The following LMNB1 variants were observed in gnomAD, a reference collection of about 807,000 sequenced individuals.
LMNB1 encodes lamin-B1.
A neutral mutation model predicts 67.1 loss-of-function variants in LMNB1; 23 were observed. That is an observed-to-expected ratio of 0.34 (90% CI 0.25 to 0.49). LMNB1 has a LOEUF of 0.49. Among genes scored for constraint, LMNB1 ranks in the 20% least tolerant of loss-of-function variants. The pLI is 0.99. For synonymous variants in LMNB1, 281 were observed against 282.9 expected, an observed-to-expected ratio of 0.99 and a Z score of 0.07; for missense variants, 634 against 746.5, an observed-to-expected ratio of 0.85 and a Z score of 1.76.
chr5:126,812,988 C>T (rs1451754968), intron 5 of LMNB1, among the ~76,000 whole-genome samples: 5 of 152,192 alleles, frequency 3.3e-5, no homozygotes, highest in Non-Finnish European at 5.9e-5. Flanking sequence ...CTCGGCTTCC[C>T]AGAGTGCTGG....
At chr5:126,828,724 G>A (rs1203288096) in intron 9 of LMNB1, among the ~76,000 whole-genome samples, 2 of 151,928 alleles carry the variant, frequency 1.3e-5, no homozygotes, top group African/African-American at 4.8e-5. Context: ...CAACACACCT[G>A]GCTAATTTTT....
chr5:126,819,424 G>T (rs2126727426), intron 6 of LMNB1, among the ~76,000 whole-genome samples: 1 of 151,804 alleles, frequency 6.6e-6, no homozygotes, highest in African/African-American at 2.4e-5. Context: ...TTAATATATT[G>T]TAAAATGCCA....
intron 1 of LMNB1, among the ~76,000 whole-genome samples, chr5:126,791,971 C>T (rs961755077): frequency 1.5e-4 from 23 of 151,266 alleles, no homozygotes; most frequent in African/African-American, 4.6e-4. Context: ...TTAGTAGAGA[C>T]GGGGTTTCAC....
intron 1 of LMNB1, among the ~76,000 whole-genome samples, chr5:126,792,430 C>T (rs1716632541): frequency 6.6e-6 from 1 of 152,064 alleles, no homozygotes; most frequent in African/African-American, 2.4e-5. Context: ...AGCCACTGTG[C>T]CTGGTGTGTT....
intron 5 of LMNB1, among the ~76,000 whole-genome samples, chr5:126,817,766 AT>A (rs1160025688): frequency 6.6e-6 from 1 of 152,092 alleles, no homozygotes; most frequent in Non-Finnish European, 1.5e-5. Flanking sequence ...GCTCCTTTTT[AT>A]CTCTAGCCTT....
rs1466169317 is a variant in LMNB1, at chr5:126,784,234, G to A, written c.359+6367G>A. Among the ~76,000 whole-genome samples the A allele has an allele frequency of 2.0e-5, 3 of 151,626 alleles. No homozygotes were observed. In the East Asian group the frequency reaches 5.8e-4, roughly 29 times the overall value. On this transcript the variant is annotated intron_variant, in intron 1 of 10. Transcript: ENST00000261366. ...AATAGACTTGGGGTTTTTCCATGTT[G>A]GTCAGGCTGGTCTGGAATTCCCAAC...
chr5:126,836,249 C>T lies in LMNB1; in HGVS notation c.1746C>T (p.Ser582=). 1 of 1,610,242 alleles carries T rather than the reference C, an allele frequency of 6.2e-7. No individual in the cohort carries two copies. The highest frequency in any genetic ancestry group is 8.5e-7 in the Non-Finnish European group (1 of 1,176,626). ...GAACCCCAAGAGCATCCAATAGAAG[C>T]TGTGCAATTATGTAAAATTTTCAAC... The part of the protein sequence containing the change: ...QQGTPRASNR[S]CAIM The change falls in exon 11 of 11, where the codon AGC becomes AGT. Residue 582 remains serine, a synonymous_variant. Transcript: ENST00000261366.
chr5:126,806,547 G>C, intron 3 of LMNB1, among the ~76,000 whole-genome samples: 1 of 152,048 alleles, frequency 6.6e-6, no homozygotes, highest in East Asian at 1.9e-4. Context: ...CTCACCTCAT[G>C]GTCTTCTTCA....
At chr5:126,828,848 C>T (rs1248712947) in intron 9 of LMNB1, among the ~76,000 whole-genome samples, 1 of 152,084 alleles carries the variant, frequency 6.6e-6, no homozygotes, top group African/African-American at 2.4e-5. Context: ...GTGTGAGCCA[C>T]CATGCCCGGC....
chr5:126,780,638 G>A (rs143756503), intron 1 of LMNB1, among the ~76,000 whole-genome samples: 3 of 152,332 alleles, frequency 2.0e-5, no homozygotes, highest in African/African-American at 7.2e-5. Flanking sequence ...CTGAGGAGTT[G>A]ACAGTACCTA....
At chr5:126,832,258 ACT>A (rs1752152552) in intron 9 of LMNB1, among the ~76,000 whole-genome samples, 3 of 151,952 alleles carry the variant, frequency 2.0e-5, no homozygotes, top group African/African-American at 7.2e-5. Flanking sequence ...ACAGAGTGAG[ACT>A]CTGTCTCCAA....
chr5:126,784,799 A>G (rs1464616769), intron 1 of LMNB1, among the ~76,000 whole-genome samples: 2 of 150,048 alleles, frequency 1.3e-5, no homozygotes, highest in African/African-American at 2.5e-5. Flanking sequence ...AACTGGAACT[A>G]CAGGCGCCCT....
In LMNB1 at chr5:126,804,858, G is replaced by A. The variant is rs376416303; in HGVS notation, c.442G>A (p.Ala148Thr). The A allele has an allele frequency of 6.2e-7, 1 of 1,613,974 alleles. No individual in the cohort carries two copies. Among genetic ancestry groups the A allele is most frequent in the Non-Finnish European group, 8.5e-7 (1 of 1,179,986 alleles). The change falls in exon 2 of 11, where the codon GCT (alanine) becomes ACT (threonine). Residue 148 changes from alanine to threonine, a missense_variant. Ala to Thr is a moderately conservative substitution (Grantham distance 58). Coordinates refer to ENST00000261366, the MANE Select transcript of LMNB1 (RefSeq NM_005573.4). Reference protein sequence around the residue: ...YEAALNSKDAALATALGDKKS... With the variant: ...YEAALNSKDATLATALGDKKS... The stretch of plus-strand genomic sequence containing the variant: ...AGCAGCACTGAATTCGAAAGATGCA[G>A]CTCTTGCTACTGCACTTGGTGACAA...
At chr5:126,790,022 T>C (rs2973587) in intron 1 of LMNB1, among the ~76,000 whole-genome samples, 42,402 of 151,814 alleles carry the variant, frequency 0.28, 6,337 homozygotes, top group South Asian at 0.39. Context: ...TAGGCTGGTC[T>C]TGAACTCCCG....
At chr5:126,828,977 T>A (rs1201089751) in intron 9 of LMNB1, among the ~76,000 whole-genome samples, 1 of 152,142 alleles carries the variant, frequency 6.6e-6, no homozygotes, top group Non-Finnish European at 1.5e-5. Context: ...CTTATTTCAC[T>A]AGACAGTTAC....
At position 126,800,973 on chromosome 5, in the gene LMNB1, AT is replaced by A. The variant is rs1195112257; in HGVS notation, c.360-3802del. On this transcript the variant is annotated intron_variant, in intron 1 of 10. Coordinates refer to ENST00000261366, the MANE Select transcript of LMNB1 (RefSeq NM_005573.4). ...AGACTATATATATATATATATATAT[AT>A]ATATATAATTTTTTTTTTTTTTTTT... Among the ~76,000 whole-genome samples the A allele has an allele frequency of 1.3e-3, 76 of 60,786 alleles. 1 individual carries two copies. Among genetic ancestry groups the A allele is most frequent in the Admixed American group, 1.6e-3 (8 of 4,906 alleles). 39.9% of individuals were successfully genotyped at this position (60,786 alleles called of 152,430 possible). A position where few individuals can be genotyped will look rare whatever the true frequency, so the allele number is the denominator to read the frequency against.
At chr5:126,792,549 G>T (rs2112935784) in intron 1 of LMNB1, among the ~76,000 whole-genome samples, 1 of 150,954 alleles carries the variant, frequency 6.6e-6, no homozygotes. Context: ...TCAGTGCAGG[G>T]AACAGAAAGC....
intron 9 of LMNB1, among the ~76,000 whole-genome samples, chr5:126,827,303 AAAGAGAGT>A (rs1728260771): frequency 6.6e-6 from 1 of 152,192 alleles, no homozygotes; most frequent in Non-Finnish European, 1.5e-5. Context: ...CCCACATTGT[AAAGAGAGT>A]AAGGGAGCCA....
chr5:126,805,750 T>C, intron 3 of LMNB1, 54 bp downstream of exon 3: 1 of 1,201,962 alleles, frequency 8.3e-7, no homozygotes, highest in Non-Finnish European at 1.2e-6. Context: ...TAGAATGACT[T>C]TGTCATAGCT....
Sources: allele counts gnomAD v4.1 joint callset (sites outside exome capture counted in the v4.1 genomes callset), GRCh38; gene constraint gnomAD v4.1.1; transcripts MANE v1.5; gene names NCBI Gene and HGNC (gene_info 2026-07-23, HGNC 2026-07-21).